CDYL: variants seen among roughly 807,000 people sequenced by gnomAD.
CDYL encodes chromodomain Y like.
A neutral mutation model predicts 47.3 loss-of-function variants in CDYL; 8 were observed. That is an observed-to-expected ratio of 0.17 (90% CI 0.10 to 0.31). CDYL has a LOEUF of 0.31. CDYL is among the 10% of genes least tolerant of loss of function. The probability of loss-of-function intolerance (pLI) is 1.00; values close to 1 mark genes in which losing one functional copy is unlikely to be tolerated. For missense variants in CDYL, 471 were observed against 701.4 expected (o/e 0.67, Z 3.71); for synonymous variants, 266 against 265.0 (o/e 1.00, Z -0.04).
chr6:4,717,993 A>G (rs1221581189), intron 2 of CDYL, among the ~76,000 whole-genome samples: 2 of 151,906 alleles, frequency 1.3e-5, no homozygotes, highest in African/African-American at 4.8e-5. Context: ...TTGTAGGCAC[A>G]TGCCACCACA....
intron 2 of CDYL, chr6:4,724,834 G>A (rs953410128): frequency 1.3e-5 from 2 of 152,088 alleles, no homozygotes; most frequent in African/African-American, 4.8e-5. Context: ...TTATTGCAAA[G>A]AGCAAAAAAA....
chr6:4,867,192 A>G (rs1300278245), intron 1 of CDYL, among the ~76,000 whole-genome samples: 1 of 152,110 alleles, frequency 6.6e-6, no homozygotes, highest in Non-Finnish European at 1.5e-5. Flanking sequence ...TTTCTGGAGT[A>G]TGTTAAAACA....
intron 3 of CDYL, among the ~76,000 whole-genome samples, chr6:4,741,895 G>T (rs771977944): frequency 6.6e-6 from 1 of 151,790 alleles, no homozygotes; most frequent in Non-Finnish European, 1.5e-5. Flanking sequence ...CATCCAGTTA[G>T]TGCATCTCAC....
intron 1 of CDYL, among the ~76,000 whole-genome samples, chr6:4,713,589 C>CTTTT (rs11375423): frequency 5.3e-5 from 6 of 113,660 alleles, no homozygotes; most frequent in African/African-American, 1.7e-4. Flanking sequence ...CATTTAGATT[C>CTTTT]TTTTTTTTTT....
intron 1 of CDYL, among the ~76,000 whole-genome samples, chr6:4,793,006 T>C (rs548411578): frequency 1.3e-5 from 2 of 152,290 alleles, no homozygotes; most frequent in East Asian, 1.9e-4. Context: ...TTCTGTTCAA[T>C]TGGTATTTGT....
At chr6:4,737,428 G>T (rs1259659217) in intron 3 of CDYL, among the ~76,000 whole-genome samples, 1 of 152,090 alleles carries the variant, frequency 6.6e-6, no homozygotes, top group Non-Finnish European at 1.5e-5. Context: ...TGAGGCGGGT[G>T]AATCACCTGA....
chr6:4,756,881 TTTGTCACCTTATAGCTTA>T (rs1439150628), intron 3 of CDYL, among the ~76,000 whole-genome samples: 7 of 152,192 alleles, frequency 4.6e-5, no homozygotes, highest in African/African-American at 1.7e-4. Flanking sequence ...ATGGGTTACT[TTTGTCACCTTATAGCTTA>T]TTGTGATGTT....
intron 2 of CDYL, among the ~76,000 whole-genome samples, chr6:4,905,498 C>T (rs1020638513): frequency 2.6e-5 from 4 of 152,118 alleles, no homozygotes; most frequent in African/African-American, 4.8e-5. Flanking sequence ...TGCTTAATTC[C>T]GCAGGGGCAG....
chr6:4,921,570 T>G (rs967015122), intron 2 of CDYL, among the ~76,000 whole-genome samples: 1 of 152,234 alleles, frequency 6.6e-6, no homozygotes, highest in Admixed American at 6.5e-5. Context: ...TTTTTGTTAT[T>G]CCTCGTAGGT....
chr6:4,732,615 G>C (rs1431999874), intron 2 of CDYL, among the ~76,000 whole-genome samples: 2 of 145,966 alleles, frequency 1.4e-5, no homozygotes, highest in Non-Finnish European at 3.0e-5. Flanking sequence ...ATGAGCTCTG[G>C]TTGCACCACT....
chr6:4,715,632 C>T, intron 1 of CDYL: 4 of 1,073,428 alleles, frequency 3.7e-6, no homozygotes, highest in South Asian at 1.9e-5. Flanking sequence ...AAAATGCTGG[C>T]TCACTCTCAG....
chr6:4,905,470 G>A (rs1581253319), intron 2 of CDYL, among the ~76,000 whole-genome samples: 1 of 152,196 alleles, frequency 6.6e-6, no homozygotes, highest in Non-Finnish European at 1.5e-5. Flanking sequence ...ACATTTCAGC[G>A]TCTTTTCTGA....
chr6:4,905,414 C>G (rs1224609741), intron 2 of CDYL, among the ~76,000 whole-genome samples: 1 of 152,216 alleles, frequency 6.6e-6, no homozygotes, highest in Non-Finnish European at 1.5e-5. Context: ...GTCTCCTCAG[C>G]TGCTCAGCTG....
intron 1 of CDYL, among the ~76,000 whole-genome samples, chr6:4,795,995 C>T (rs1224940018): frequency 1.3e-5 from 2 of 151,980 alleles, no homozygotes; most frequent in Non-Finnish European, 2.9e-5. Flanking sequence ...TGCTCTGTTG[C>T]CCAGGTTAGA....
At chr6:4,747,491 C>T (rs923088098) in intron 3 of CDYL, among the ~76,000 whole-genome samples, 2 of 152,100 alleles carry the variant, frequency 1.3e-5, no homozygotes, top group South Asian at 2.1e-4. Flanking sequence ...ATGTCCCACT[C>T]CTGCCACTAG....
intron 1 of CDYL, among the ~76,000 whole-genome samples, chr6:4,862,267 A>G (rs1000261711): frequency 6.6e-6 from 1 of 152,234 alleles, no homozygotes; most frequent in Non-Finnish European, 1.5e-5. Flanking sequence ...TTTGTTTGAA[A>G]AAGAGAGAGG....
chr6:4,869,586 C>G (rs1761416930), intron 1 of CDYL, among the ~76,000 whole-genome samples: 1 of 151,996 alleles, frequency 6.6e-6, no homozygotes, highest in Non-Finnish European at 1.5e-5. Context: ...ACCATATTCT[C>G]TGAATTTTAA....
intron 2 of CDYL, among the ~76,000 whole-genome samples, chr6:4,932,645 G>A (rs758442462): frequency 2.0e-5 from 3 of 152,248 alleles, no homozygotes; most frequent in Admixed American, 6.5e-5. Context: ...ATTACCAGCT[G>A]CTGGCATGTG....
At chr6:4,944,918 G>A (rs970280316) in intron 5 of CDYL, among the ~76,000 whole-genome samples, 6 of 152,136 alleles carry the variant, frequency 3.9e-5, no homozygotes, top group East Asian at 1.9e-4. Context: ...AGCCTTCGTC[G>A]CTGCGTGGGA....
Sources: allele counts gnomAD v4.1 joint callset (sites outside exome capture counted in the v4.1 genomes callset), GRCh38; gene constraint gnomAD v4.1.1; transcripts MANE v1.5; gene names NCBI Gene and HGNC (gene_info 2026-07-23, HGNC 2026-07-21).